Variants in TNR observed in about 807,000 individuals in gnomAD.
TNR encodes tenascin R, also known as tenascin-R.
TNR carries 45 observed loss-of-function variants against 150.4 expected under a neutral mutation model. That is an observed-to-expected ratio of 0.30 (90% confidence interval 0.24 to 0.38). The LOEUF (loss-of-function observed/expected upper bound fraction) is 0.38, where lower values mean the gene tolerates loss of function less well. Ranked by LOEUF, TNR falls within the 10% of genes least tolerant of loss-of-function variation. The probability of loss-of-function intolerance (pLI) is 1.00; values close to 1 mark genes in which losing one functional copy is unlikely to be tolerated. For synonymous variants in TNR, 687 were observed against 678.4 expected (o/e 1.01, Z -0.20); for missense variants, 1,544 against 1,759.1 (o/e 0.88, Z 2.19).
intron 2 of TNR, among the ~76,000 whole-genome samples, chr1:175,479,561 C>T (rs1657689009): frequency 6.6e-6 from 1 of 152,140 alleles, no homozygotes; most frequent in East Asian, 1.9e-4. Context: ...CCATGAGCCC[C>T]ATCAGCAATT....
intron 1 of TNR, among the ~76,000 whole-genome samples, chr1:175,665,648 T>G (rs1235178472): frequency 6.6e-6 from 1 of 152,222 alleles, no homozygotes; most frequent in Admixed American, 6.5e-5. Flanking sequence ...AAATGAATAG[T>G]TGTCACTTAG....
intron 2 of TNR, among the ~76,000 whole-genome samples, chr1:175,505,908 C>T (rs1056568011): frequency 2.7e-4 from 39 of 142,702 alleles, no homozygotes; most frequent in African/African-American, 1.0e-3. Context: ...AGGCCTGGTG[C>T]ACATGCCTAT....
At chr1:175,363,169 C>T (rs1434967914) in intron 13 of TNR, among the ~76,000 whole-genome samples, 2 of 152,234 alleles carry the variant, frequency 1.3e-5, no homozygotes, top group Non-Finnish European at 2.9e-5. Context: ...TGTGTCCTCA[C>T]TGGAAGTGAG....
chr1:175,408,423 ATTTTATT>A (rs1654057481), intron 2 of TNR, among the ~76,000 whole-genome samples: 1 of 152,196 alleles, frequency 6.6e-6, no homozygotes, highest in South Asian at 2.1e-4. Context: ...CTGAGGGTTG[ATTTTATT>A]AGGAGTAACC....
At chr1:175,336,514 T>A (rs1386401020) in intron 19 of TNR, among the ~76,000 whole-genome samples, 1 of 152,216 alleles carries the variant, frequency 6.6e-6, no homozygotes, top group African/African-American at 2.4e-5. Context: ...TGGTTTTCCA[T>A]CCTAAAGCGA....
At chr1:175,546,531 A>T (rs921788651) in intron 1 of TNR, among the ~76,000 whole-genome samples, 8 of 152,222 alleles carry the variant, frequency 5.3e-5, no homozygotes, top group Non-Finnish European at 8.8e-5. Flanking sequence ...AAAGGCAGGG[A>T]GGCCACGAGG....
intron 1 of TNR, among the ~76,000 whole-genome samples, chr1:175,541,937 G>A (rs535019512): frequency 6.6e-6 from 1 of 152,270 alleles, no homozygotes; most frequent in African/African-American, 2.4e-5. Context: ...AGTTCATATG[G>A]TTTAAGCTTA....
intron 4 of TNR, among the ~76,000 whole-genome samples, chr1:175,399,350 T>C (rs1394739638): frequency 6.6e-6 from 1 of 152,206 alleles, no homozygotes; most frequent in Non-Finnish European, 1.5e-5. Context: ...AAAGCTAATA[T>C]TAACAATAGA....
At chr1:175,486,286 C>T (rs1658010611) in intron 2 of TNR, among the ~76,000 whole-genome samples, 1 of 151,970 alleles carries the variant, frequency 6.6e-6, no homozygotes. Context: ...CCCCCCACCC[C>T]TCGACAGGCC....
At chr1:175,338,401 G>A (rs1465825916) in intron 18 of TNR, among the ~76,000 whole-genome samples, 1 of 152,206 alleles carries the variant, frequency 6.6e-6, no homozygotes, top group African/African-American at 2.4e-5. Context: ...TAAATCCTGT[G>A]TCTTGAAGAG....
At chr1:175,519,386 A>G (rs1659545323) in intron 2 of TNR, among the ~76,000 whole-genome samples, 1 of 152,206 alleles carries the variant, frequency 6.6e-6, no homozygotes, top group African/African-American at 2.4e-5. Flanking sequence ...TCCTTCCAAG[A>G]GCACTTAGCA....
chr1:175,388,158 T>C (rs1653017726), intron 7 of TNR, among the ~76,000 whole-genome samples: 1 of 152,054 alleles, frequency 6.6e-6, no homozygotes, highest in Non-Finnish European at 1.5e-5. Flanking sequence ...ATCTGAAGCA[T>C]AGTAGACACT....
Position 175,700,884 on chromosome 1 carries a change from A to G in TNR, c.-165+42342T>C, listed in dbSNP as rs112858410. Among the ~76,000 whole-genome samples, 1,092 of 152,294 alleles carry G rather than the reference A, an allele frequency of 7.2e-3. 15 individuals are homozygous for G. Among genetic ancestry groups the G allele is most frequent in the African/African-American group, 0.025 (1,035 of 41,560 alleles). ...TGACACCTGAAAATTCAGCCTTCAC[A>G]AAACCTTACCTCACTCAAAGCCTTC... On this transcript the variant is annotated intron_variant, in intron 1 of 22. Transcript: ENST00000367674.
At chr1:175,588,704 T>A (rs1662674508) in intron 1 of TNR, among the ~76,000 whole-genome samples, 1 of 152,192 alleles carries the variant, frequency 6.6e-6, no homozygotes, top group African/African-American at 2.4e-5. Context: ...TAGAATTCCA[T>A]AGTACAGGTT....
At position 175,689,124 on chromosome 1, in the gene TNR, C is replaced by T. The variant is rs867278883; in HGVS notation, c.-165+54102G>A. On this transcript the variant is annotated intron_variant, in intron 1 of 22. Coordinates refer to ENST00000367674, the MANE Select transcript of TNR (RefSeq NM_003285.3). The stretch of plus-strand genomic sequence containing the variant: ...CTGTAGGACCACGTCGGAAACCCTC[C>T]CACTGATGGCTCATGTGAAGCCCAG... Among the ~76,000 whole-genome samples, 22 of 152,324 alleles carry T rather than the reference C, an allele frequency of 1.4e-4. No individual in the cohort carries two copies. In the South Asian group the frequency reaches 2.3e-3, roughly 16 times the overall value.
intron 1 of TNR, among the ~76,000 whole-genome samples, chr1:175,739,428 G>A (rs1667862025): frequency 6.6e-6 from 1 of 152,068 alleles, no homozygotes; most frequent in South Asian, 2.1e-4. Context: ...AAGAGAATTG[G>A]ACAGGCAAGG....
intron 2 of TNR, among the ~76,000 whole-genome samples, chr1:175,522,051 C>T (rs1166452915): frequency 6.6e-6 from 1 of 152,154 alleles, no homozygotes; most frequent in African/African-American, 2.4e-5. Context: ...TTAACTATGC[C>T]TTCTACTCCT....
intron 1 of TNR, among the ~76,000 whole-genome samples, chr1:175,557,504 C>G (rs548650658): frequency 2.0e-5 from 3 of 152,286 alleles, no homozygotes; most frequent in African/African-American, 7.2e-5. Flanking sequence ...TCCCCAGCAC[C>G]TTGGACAGTT....
In TNR at chr1:175,483,031, G is replaced by A. The variant is rs571058674; in HGVS notation, c.-64+45238C>T. The stretch of plus-strand genomic sequence containing the variant: ...CTCCAAACTGAATTAGGGATTGCCT[G>A]CAACTCAACTCACTGGGGACTCATT... On this transcript the variant is annotated intron_variant, in intron 2 of 22. Transcript: ENST00000367674. Among the ~76,000 whole-genome samples, 4 of 152,346 alleles carry A rather than the reference G, an allele frequency of 2.6e-5. No individual in the cohort carries two copies. The East Asian group carries it at 7.7e-4, about 29-fold the overall frequency.
Sources: allele counts gnomAD v4.1 joint callset (sites outside exome capture counted in the v4.1 genomes callset), GRCh38; gene constraint gnomAD v4.1.1; transcripts MANE v1.5; gene names NCBI Gene and HGNC (gene_info 2026-07-23, HGNC 2026-07-21).